Variants in FSIP1 observed in about 807,000 individuals in gnomAD.
The protein encoded by FSIP1 is fibrous sheath-interacting protein 1.
A neutral mutation model predicts 60.9 loss-of-function variants in FSIP1; 65 were observed. The observed-to-expected ratio is 1.07, with a 90% CI of 0.87 to 1.31. The LOEUF is 1.31. FSIP1 is among the 40% of genes most tolerant of loss of function. FSIP1 has a pLI of 0.00. For synonymous variants in FSIP1, 209 were observed against 221.2 expected, an observed-to-expected ratio of 0.94 and a Z score of 0.49; for missense variants, 675 against 665.5, an observed-to-expected ratio of 1.01 and a Z score of -0.16.
At chr15:39,715,848 A>G (rs1007513898) in intron 9 of FSIP1, among the ~76,000 whole-genome samples, 2 of 152,104 alleles carry the variant, frequency 1.3e-5, no homozygotes, top group Non-Finnish European at 2.9e-5. Context: ...ACAAGTGTGT[A>G]GCACCTCCCT....
chr15:39,607,182 G>A (rs556211155), intron 11 of FSIP1, among the ~76,000 whole-genome samples: 2 of 152,280 alleles, frequency 1.3e-5, no homozygotes, highest in East Asian at 3.9e-4. Flanking sequence ...GCTCCCACCT[G>A]ACCCTGCTCC....
At chr15:39,726,495 C>A (rs997698809) in intron 9 of FSIP1, 94 bp downstream of exon 9, 12 of 1,287,110 alleles carry the variant, frequency 9.3e-6, no homozygotes, top group Admixed American at 1.7e-5. Context: ...ACTATGATCA[C>A]TGGAAAAAGC....
At chr15:39,766,520 C>T (rs1252479759) in intron 3 of FSIP1, among the ~76,000 whole-genome samples, 1 of 152,174 alleles carries the variant, frequency 6.6e-6, no homozygotes, top group Admixed American at 6.5e-5. Flanking sequence ...AATTAGTAAA[C>T]TGAAGCTAAT....
intron 10 of FSIP1, among the ~76,000 whole-genome samples, chr15:39,627,965 A>C (rs972538063): frequency 2.0e-5 from 3 of 152,230 alleles, no homozygotes; most frequent in Non-Finnish European, 4.4e-5. Flanking sequence ...GCCTGGAAGC[A>C]CAGGGTTAGC....
chr15:39,704,796 G>A (rs1320146526), intron 10 of FSIP1, among the ~76,000 whole-genome samples: 1 of 152,124 alleles, frequency 6.6e-6, no homozygotes, highest in Admixed American at 6.5e-5. Context: ...CTTATATCAG[G>A]TTAAATGACA....
intron 10 of FSIP1, among the ~76,000 whole-genome samples, chr15:39,712,455 A>G (rs944718073): frequency 6.6e-6 from 1 of 152,218 alleles, no homozygotes; most frequent in Non-Finnish European, 1.5e-5. Context: ...GAGAAGGGTG[A>G]TAAAAGTAGG....
chr15:39,765,564 T>C, intron 4 of FSIP1, 28 bp downstream of exon 4: 2 of 1,521,406 alleles, frequency 1.3e-6, no homozygotes. Context: ...ATTTCTTACA[T>C]GTCAGCATAA....
Position 39,671,355 on chromosome 15 carries a change from T to C in FSIP1, c.1188+42089A>G, listed in dbSNP as rs529202698. ...TAGTTCATTATGATGAATTAAATAC[T>C]TGATAAAAGGAGAAAAGTAAACTAT... On this transcript the variant is annotated intron_variant, in intron 10 of 11. Coordinates refer to ENST00000350221, the MANE Select transcript of FSIP1 (RefSeq NM_152597.5). Among the ~76,000 whole-genome samples the C allele has an allele frequency of 2.0e-5, 3 of 152,358 alleles. No individual in the cohort carries two copies. In the South Asian group the frequency reaches 6.2e-4, roughly 32 times the overall value.
intron 6 of FSIP1, among the ~76,000 whole-genome samples, chr15:39,740,677 G>T (rs1896773182): frequency 6.6e-6 from 1 of 152,088 alleles, no homozygotes; most frequent in Non-Finnish European, 1.5e-5. Flanking sequence ...TATAAGGGAG[G>T]TTACCTGAAC....
At chr15:39,607,609 C>T (rs957793072) in intron 11 of FSIP1, among the ~76,000 whole-genome samples, 2 of 152,166 alleles carry the variant, frequency 1.3e-5, no homozygotes, top group Non-Finnish European at 2.9e-5. Context: ...ATTTTTAATA[C>T]AACTGATAGG....
chr15:39,721,701 A>G (rs1251176098), intron 9 of FSIP1, among the ~76,000 whole-genome samples: 1 of 152,256 alleles, frequency 6.6e-6, no homozygotes, highest in Non-Finnish European at 1.5e-5. Context: ...CATACAATAT[A>G]GAGTGGTGGA....
intron 10 of FSIP1, among the ~76,000 whole-genome samples, chr15:39,649,220 T>C (rs192557601): frequency 6.6e-6 from 1 of 152,348 alleles, no homozygotes; most frequent in East Asian, 1.9e-4. Flanking sequence ...TTTTGCAATA[T>C]GAAAAGACCA....
chr15:39,735,042 A>G (rs914200546), intron 8 of FSIP1, among the ~76,000 whole-genome samples: 1 of 152,262 alleles, frequency 6.6e-6, no homozygotes, highest in Non-Finnish European at 1.5e-5. Context: ...CTATCGCCAT[A>G]GTTTGATACG....
At chr15:39,639,538 T>C (rs1343550843) in intron 10 of FSIP1, among the ~76,000 whole-genome samples, 2 of 152,240 alleles carry the variant, frequency 1.3e-5, no homozygotes, top group Admixed American at 1.3e-4. Flanking sequence ...AGGAACTACA[T>C]ACAATATATT....
chr15:39,634,674 C>G (rs980586221), intron 10 of FSIP1, among the ~76,000 whole-genome samples: 1 of 152,210 alleles, frequency 6.6e-6, no homozygotes, highest in African/African-American at 2.4e-5. Flanking sequence ...TAGCATGTGG[C>G]CTGTTTAGAG....
At chr15:39,766,247 A>G (rs1897685019) in intron 3 of FSIP1, among the ~76,000 whole-genome samples, 1 of 152,228 alleles carries the variant, frequency 6.6e-6, no homozygotes, top group Non-Finnish European at 1.5e-5. Context: ...AAAAAACTCA[A>G]AACAAGTACT....
intron 10 of FSIP1, among the ~76,000 whole-genome samples, chr15:39,646,378 C>T (rs568579056): frequency 6.6e-6 from 1 of 151,844 alleles, no homozygotes; most frequent in East Asian, 1.9e-4. Flanking sequence ...GGTTTCCCAC[C>T]AGAAAAATCG....
At chr15:39,758,192 A>G (rs1434296100) in intron 5 of FSIP1, among the ~76,000 whole-genome samples, 1 of 152,134 alleles carries the variant, frequency 6.6e-6, no homozygotes, top group Non-Finnish European at 1.5e-5. Flanking sequence ...TTTAAAAATT[A>G]AACATATTTG....
At chr15:39,738,233 A>G in intron 7 of FSIP1, 32 bp from the exon 8 acceptor site, 1 of 1,400,760 alleles carries the variant, frequency 7.1e-7, no homozygotes, top group Non-Finnish European at 1.0e-6. Context: ...AATATCATAT[A>G]CTCAAGGAAA....
Sources: gnomAD v4.1 joint callset for allele counts (sites outside exome capture counted in the v4.1 genomes callset) on GRCh38, gnomAD v4.1.1 for gene constraint, MANE v1.5 for transcripts, NCBI Gene and HGNC (gene_info 2026-07-23, HGNC 2026-07-21) for gene names.